CADPS: variants seen among roughly 807,000 people sequenced by gnomAD.
CADPS encodes calcium dependent secretion activator.
In CADPS, 57 loss-of-function variants were observed where a neutral mutation model predicts 167.3. The observed-to-expected ratio is 0.34, with a 90% CI of 0.28 to 0.42. CADPS has a LOEUF of 0.42. CADPS is among the 20% of genes least tolerant of loss of function. The pLI is 1.00. For synonymous variants in CADPS, 676 were observed against 635.3 expected (o/e 1.06, Z -0.96); for missense variants, 1,414 against 1,738.1 (o/e 0.81, Z 3.32).
intron 3 of CADPS, among the ~76,000 whole-genome samples, chr3:62,727,685 G>C (rs1417156088): frequency 6.6e-6 from 1 of 151,020 alleles, no homozygotes; most frequent in Non-Finnish European, 1.5e-5. Flanking sequence ...AGAAAACCAT[G>C]GGAGGCCTCT....
intron 13 of CADPS, among the ~76,000 whole-genome samples, chr3:62,528,901 G>A (rs1056557453): frequency 6.6e-6 from 1 of 152,194 alleles, no homozygotes; most frequent in Admixed American, 6.5e-5. Flanking sequence ...GCTCATGCCT[G>A]TAATCCCAGC....
At chr3:62,825,471 C>T (rs998216989) in intron 1 of CADPS, among the ~76,000 whole-genome samples, 1 of 152,040 alleles carries the variant, frequency 6.6e-6, no homozygotes, top group Admixed American at 6.6e-5. Context: ...GTACAGCAAG[C>T]CCCCCAGGTA....
chr3:62,823,981 TCTC>T (rs1559793379), intron 1 of CADPS, among the ~76,000 whole-genome samples: 3 of 151,862 alleles, frequency 2.0e-5, no homozygotes, highest in Admixed American at 6.6e-5. Flanking sequence ...CCATCTGACT[TCTC>T]CTCTTTGCAG....
chr3:62,673,351 T>C (rs2075859371), intron 3 of CADPS, among the ~76,000 whole-genome samples: 1 of 152,186 alleles, frequency 6.6e-6, no homozygotes, highest in Non-Finnish European at 1.5e-5. Context: ...TGGTTTAAAC[T>C]TATTAAATTC....
rs2086729001 is a variant in CADPS at position 62,765,898 on chromosome 3, G to A, written c.528C>T (p.Phe176=). The change falls in exon 2 of 30, where the codon TTC becomes TTT. Residue 176 remains phenylalanine (F), a synonymous_variant. Coordinates refer to ENST00000383710, the MANE Select transcript of CADPS (RefSeq NM_003716.4). ...GETQIMADEA[F]MNAVQSYYEV... Reference sequence around the variant, plus strand: ...CATAGTAACTCTGCACAGCGTTCATGAAGGCTTCGTCAGCCATGATCTGGG... The same window carrying A: ...CATAGTAACTCTGCACAGCGTTCATAAAGGCTTCGTCAGCCATGATCTGGG... 1.2e-6 allele frequency: 2 copies of A among 1,612,524 alleles called. No homozygotes were observed. Among genetic ancestry groups the A allele is most frequent in the African/African-American group, 2.7e-5 (2 of 75,010 alleles).
intron 6 of CADPS, among the ~76,000 whole-genome samples, chr3:62,600,799 T>C (rs2059845974): frequency 6.6e-6 from 1 of 152,180 alleles, no homozygotes; most frequent in African/African-American, 2.4e-5. Context: ...ATCTATAAAT[T>C]GGGGATAAGA....
chr3:62,735,190 T>A (rs1435961852), intron 3 of CADPS, among the ~76,000 whole-genome samples: 6 of 152,116 alleles, frequency 3.9e-5, no homozygotes, highest in Non-Finnish European at 7.4e-5. Context: ...TGCATAAATA[T>A]AAATCAATCT....
In CADPS at chr3:62,544,222, A is replaced by G. The variant is rs993934312; in HGVS notation, c.1966+5681T>C. On this transcript the variant is annotated intron_variant, in intron 11 of 29. Transcript: ENST00000383710. The surrounding 1 kb of genome is among the most constrained non-coding windows in gnomAD (Gnocchi z 4.4). ...AAATTAATCCTCTATTGGGTCTTAC[A>G]TTAGAGCACACCCTTAAGCCAGCTA... Among the ~76,000 whole-genome samples, 6 of 152,134 alleles carry G rather than the reference A, an allele frequency of 3.9e-5. No homozygotes were observed. Among genetic ancestry groups the G allele is most frequent in the African/African-American group, 1.2e-4 (5 of 41,438 alleles).
intron 1 of CADPS, among the ~76,000 whole-genome samples, chr3:62,811,385 A>G (rs1432370310): frequency 2.0e-5 from 3 of 151,974 alleles, no homozygotes; most frequent in Non-Finnish European, 4.4e-5. Flanking sequence ...TGTCATTTCC[A>G]TCTCTCAGAA....
chr3:62,621,707 T>C (rs971409160), intron 6 of CADPS, among the ~76,000 whole-genome samples: 32 of 151,892 alleles, frequency 2.1e-4, no homozygotes, highest in Admixed American at 1.6e-3. Context: ...CCTAGTACCC[T>C]TTAGTTATTT....
rs1292197140 is a variant in CADPS at position 62,455,734 on chromosome 3, G to C, written c.3636+9633C>G. Among the ~76,000 whole-genome samples, 4 of 152,218 alleles carry C rather than the reference G, an allele frequency of 2.6e-5. No individual in the cohort carries two copies. The highest frequency in any genetic ancestry group is 4.4e-5 in the Non-Finnish European group (3 of 68,050). ...TCTCTCAACACTAAGAAGGGTGACA[G>C]AATGCAAGCTTGAAGAGGACAAGGG... On this transcript the variant is annotated intron_variant, in intron 26 of 29. Coordinates refer to ENST00000383710, the MANE Select transcript of CADPS (RefSeq NM_003716.4). The surrounding 1 kb of genome is among the most constrained non-coding windows in gnomAD (Gnocchi z 4.4).
At chr3:62,599,504 A>T (rs1182855354) in intron 6 of CADPS, among the ~76,000 whole-genome samples, 1 of 114,614 alleles carries the variant, frequency 8.7e-6, no homozygotes, top group Non-Finnish European at 1.7e-5. Flanking sequence ...TATATTTTAT[A>T]TATATTATAT....
intron 3 of CADPS, among the ~76,000 whole-genome samples, chr3:62,739,384 G>A (rs1443729108): frequency 6.6e-6 from 1 of 152,198 alleles, no homozygotes; most frequent in African/African-American, 2.4e-5. Flanking sequence ...CCCAGCTCAT[G>A]TATAGGCTTG....
intron 3 of CADPS, among the ~76,000 whole-genome samples, chr3:62,697,400 T>C (rs71296786): frequency 1.3e-5 from 2 of 152,036 alleles, no homozygotes; most frequent in African/African-American, 4.8e-5. Context: ...AGTAACTTAG[T>C]CTCCAGTTCC....
intron 28 of CADPS, among the ~76,000 whole-genome samples, chr3:62,408,975 G>A (rs763989061): frequency 5.9e-5 from 9 of 152,172 alleles, no homozygotes; most frequent in African/African-American, 1.4e-4. Flanking sequence ...ATGCACTCAC[G>A]TGCATGTACA....
chr3:62,426,896 T>C (rs1312825084), intron 28 of CADPS, among the ~76,000 whole-genome samples: 1 of 137,000 alleles, frequency 7.3e-6, no homozygotes, highest in Non-Finnish European at 1.6e-5. Flanking sequence ...TGAAACCCTG[T>C]CTCTACTAAA....
rs545528339 is a variant in CADPS, at chr3:62,696,288, C to T, written c.889-33894G>A. On this transcript the variant is annotated intron_variant, in intron 3 of 29. Transcript: ENST00000383710. ...GGGTGGGAGAGGGAACAGGTACTTG[C>T]TCCTTCCTGGTTTCTTCTTTTACAT... is the stretch of plus-strand genomic sequence containing the variant. Among the ~76,000 whole-genome samples the T allele has an allele frequency of 4.6e-5, 7 of 152,264 alleles. No homozygotes were observed. In the East Asian group the frequency reaches 1.4e-3, roughly 29 times the overall value.
At chr3:62,817,305 G>T (rs966711261) in intron 1 of CADPS, among the ~76,000 whole-genome samples, 2 of 152,096 alleles carry the variant, frequency 1.3e-5, no homozygotes, top group African/African-American at 2.4e-5. Flanking sequence ...GCTGAATGAT[G>T]GTGAGCATCG....
intron 5 of CADPS, among the ~76,000 whole-genome samples, chr3:62,646,468 G>A (rs993206989): frequency 2.6e-5 from 4 of 152,028 alleles, no homozygotes; most frequent in Admixed American, 1.3e-4. Context: ...CACCACGCGC[G>A]GCCAGGCTCT....
Sources: gnomAD v4.1 joint callset for allele counts (sites outside exome capture counted in the v4.1 genomes callset) on GRCh38, gnomAD v4.1.1 for gene constraint, Gnocchi (gnomAD v3.1) non-coding constraint, MANE v1.5 for transcripts, NCBI Gene and HGNC (gene_info 2026-07-23, HGNC 2026-07-21) for gene names.